LUZP2: variants seen among roughly 807,000 people sequenced by gnomAD.
LUZP2 encodes leucine zipper protein 2.
Under a neutral mutation model 51.6 loss-of-function variants are expected in LUZP2, and 52 were observed. That is an observed-to-expected ratio of 1.01 (90% CI 0.81 to 1.27). The LOEUF is 1.27. Ranked by LOEUF, LUZP2 falls within the 50% of genes most tolerant of loss-of-function variation. The probability of loss-of-function intolerance (pLI) is 0.00; values close to 1 mark genes in which losing one functional copy is unlikely to be tolerated. For missense variants in LUZP2, 436 were observed against 395.4 expected (o/e 1.10, Z -0.87); for synonymous variants, 154 against 137.3 (o/e 1.12, Z -0.85).
intron 5 of LUZP2, among the ~76,000 whole-genome samples, chr11:24,903,650 A>G (rs1407794811): frequency 6.6e-6 from 1 of 152,160 alleles, no homozygotes; most frequent in African/African-American, 2.4e-5. Context: ...TAGAGTCAGT[A>G]TGATGTCTGA....
intron 1 of LUZP2, among the ~76,000 whole-genome samples, chr11:24,723,080 A>G (rs1411863871): frequency 6.6e-6 from 1 of 152,204 alleles, no homozygotes; most frequent in Non-Finnish European, 1.5e-5. Context: ...AAAAGTCATG[A>G]GTGAGCATTT....
intron 9 of LUZP2, among the ~76,000 whole-genome samples, chr11:25,019,093 C>G (rs1043909562): frequency 6.6e-6 from 1 of 152,220 alleles, no homozygotes; most frequent in African/African-American, 2.4e-5. Context: ...TGACACATCA[C>G]TATGGTCATT....
chr11:24,620,130 C>T (rs1023395686), intron 1 of LUZP2, among the ~76,000 whole-genome samples: 2 of 152,038 alleles, frequency 1.3e-5, no homozygotes, highest in African/African-American at 2.4e-5. Flanking sequence ...GAGTCTAAAG[C>T]CAAAATCTAA....
At chr11:24,948,831 CTATCTATCTATCTATCTATCT>C (rs1854981328) in intron 7 of LUZP2, among the ~76,000 whole-genome samples, 1 of 95,808 alleles carries the variant, frequency 1.0e-5, no homozygotes, top group Non-Finnish European at 2.1e-5. Context: ...TATCATCTAT[CTATCTATCTATCTATCTATCT>C]ATCTATCTAT....
chr11:24,649,996 C>T (rs1309031445), intron 1 of LUZP2, among the ~76,000 whole-genome samples: 2 of 151,474 alleles, frequency 1.3e-5, no homozygotes, highest in African/African-American at 4.9e-5. Flanking sequence ...CACACACACA[C>T]ACACACACAC....
intron 10 of LUZP2, among the ~76,000 whole-genome samples, chr11:25,071,639 G>A (rs1336304830): frequency 2.0e-5 from 3 of 151,438 alleles, no homozygotes; most frequent in Non-Finnish European, 2.9e-5. Context: ...CTTACACAGG[G>A]TGGGGAACAT....
chr11:24,563,029 T>G (rs1852102323), intron 1 of LUZP2, among the ~76,000 whole-genome samples: 1 of 152,218 alleles, frequency 6.6e-6, no homozygotes, highest in African/African-American at 2.4e-5. Context: ...AAGGCTGACA[T>G]ATTGACTGTA....
intron 1 of LUZP2, among the ~76,000 whole-genome samples, chr11:24,721,510 G>A (rs964915930): frequency 1.1e-4 from 17 of 152,054 alleles, no homozygotes; most frequent in African/African-American, 4.1e-4. Context: ...TAATAAATTA[G>A]GATATAGAAG....
chr11:24,940,774 G>A (rs1453706638), intron 7 of LUZP2, among the ~76,000 whole-genome samples: 1 of 151,948 alleles, frequency 6.6e-6, no homozygotes, highest in Non-Finnish European at 1.5e-5. Flanking sequence ...TTCAATCTAA[G>A]CTTTTCCTAT....
chr11:24,803,856 G>A (rs1462643705), intron 5 of LUZP2, among the ~76,000 whole-genome samples: 1 of 151,998 alleles, frequency 6.6e-6, no homozygotes, highest in Non-Finnish European at 1.5e-5. Context: ...TTATATAAAA[G>A]TATTTCTGCC....
chr11:24,921,453 C>T (rs1203935701), intron 7 of LUZP2, among the ~76,000 whole-genome samples: 2 of 152,064 alleles, frequency 1.3e-5, no homozygotes, highest in African/African-American at 2.4e-5. Context: ...ACACTTGGCA[C>T]AGGTGGCGAC....
chr11:24,754,042 T>C (rs1174040168), intron 4 of LUZP2, among the ~76,000 whole-genome samples: 2 of 152,214 alleles, frequency 1.3e-5, no homozygotes. Context: ...TTAATTTCCA[T>C]TTTATTCATT....
At chr11:24,664,795 C>T (rs993856391) in intron 1 of LUZP2, among the ~76,000 whole-genome samples, 2 of 152,164 alleles carry the variant, frequency 1.3e-5, no homozygotes, top group African/African-American at 4.8e-5. Flanking sequence ...GGAACCTCCA[C>T]CTAGATTTCA....
intron 7 of LUZP2, among the ~76,000 whole-genome samples, chr11:24,957,667 A>T (rs1183587390): frequency 6.6e-6 from 1 of 152,150 alleles, no homozygotes; most frequent in Non-Finnish European, 1.5e-5. Flanking sequence ...GTTACAAATG[A>T]CAAAATTTAT....
At chr11:25,041,925 C>A (rs377646219) in intron 9 of LUZP2, among the ~76,000 whole-genome samples, 6 of 152,098 alleles carry the variant, frequency 3.9e-5, no homozygotes, top group Non-Finnish European at 5.9e-5. Flanking sequence ...ACTGCGTGTG[C>A]GAGGGATCTG....
intron 1 of LUZP2, among the ~76,000 whole-genome samples, chr11:24,670,431 A>T (rs536722098): frequency 6.6e-6 from 1 of 152,188 alleles, no homozygotes; most frequent in East Asian, 1.9e-4. Flanking sequence ...GATTAGTTAT[A>T]TAAGTATGTA....
intron 1 of LUZP2, among the ~76,000 whole-genome samples, chr11:24,596,535 A>G (rs1404750846): frequency 1.3e-5 from 2 of 152,186 alleles, no homozygotes; most frequent in African/African-American, 2.4e-5. Context: ...TATACTGTTT[A>G]TTACTGAGAC....
intron 8 of LUZP2, among the ~76,000 whole-genome samples, chr11:24,977,890 AT>A (rs921871816): frequency 3.2e-4 from 48 of 148,936 alleles, no homozygotes; most frequent in African/African-American, 8.1e-4. Context: ...ATTGTTTTTA[AT>A]TTTTTTTTTA....
chr11:24,713,987 T>A (rs1268088689), intron 1 of LUZP2, among the ~76,000 whole-genome samples: 3 of 150,228 alleles, frequency 2.0e-5, no homozygotes, highest in Non-Finnish European at 3.0e-5. Context: ...TGAGCCACCA[T>A]GCCTGGCCAA....
Sources: gnomAD v4.1 joint callset for allele counts (sites outside exome capture counted in the v4.1 genomes callset) on GRCh38, gnomAD v4.1.1 for gene constraint, MANE v1.5 for transcripts, NCBI Gene and HGNC (gene_info 2026-07-23, HGNC 2026-07-21) for gene names.